Variants in IKBKE observed in about 807,000 individuals in gnomAD.
IKBKE encodes inhibitor of nuclear factor kappa-B kinase subunit epsilon.
In IKBKE, 45 loss-of-function variants were observed where a neutral mutation model predicts 92.1. That is an observed-to-expected ratio of 0.49 (90% CI 0.38 to 0.63). The LOEUF (loss-of-function observed/expected upper bound fraction) is 0.63. Ranked by LOEUF, IKBKE falls within the 20% of genes least tolerant of loss-of-function variation. The probability of loss-of-function intolerance (pLI) is 0.00; values close to 1 mark genes in which losing one functional copy is unlikely to be tolerated. For synonymous variants in IKBKE, 374 were observed against 380.3 expected, an observed-to-expected ratio of 0.98 and a Z score of 0.19; for missense variants, 700 against 932.8, an observed-to-expected ratio of 0.75 and a Z score of 3.25.
intron 17 of IKBKE, chr1:206,491,115 T>C (rs1167168657): frequency 1.1e-5 from 6 of 562,258 alleles, no homozygotes; most frequent in Admixed American, 3.1e-5. Flanking sequence ...GCTTTTTTTT[T>C]CTCTAGTTGT....
Position 206,487,795 on chromosome 1 carries a change from C to A in IKBKE, c.1617-119C>A. On this transcript the variant is annotated intron_variant, in intron 15 of 21. Transcript: ENST00000581977. This position sits in a 1 kb window ranked among gnomAD's most constrained non-coding sequence, Gnocchi z 5.3. ...CAGCCACCTCCACTCCCAGACTGAT[C>A]CCCCAAAACTGTGGCTGTGAGGCTC... The A allele has an allele frequency of 2.7e-6, 2 of 733,992 alleles. No homozygotes were observed. Among genetic ancestry groups the A allele is most frequent in the Non-Finnish European group, 2.4e-6 (1 of 423,128 alleles). The allele number at this position is 733,992 out of a possible 1,614,324, so 45.5% of individuals were successfully genotyped here. A position where few individuals can be genotyped will look rare whatever the true frequency, so the allele number is the denominator to read the frequency against.
chr1:206,479,280 T>G (rs1553386368), intron 10 of IKBKE, 147 bp downstream of exon 10: 1 of 698,784 alleles, frequency 1.4e-6, no homozygotes. Context: ...GTTCTAATTC[T>G]GCAGACGCCT....
rs1553391236 is a variant in IKBKE at position 206,493,388 on chromosome 1, G to C, written c.2045+10G>C. On this transcript the variant is annotated intron_variant, in intron 20 of 21. Transcript: ENST00000581977. ...AGGACCTGCTTCTCCAGTAAGTGCT[G>C]GGGAGAAAGCGGTTGTGTATCTGTG... 6.3e-7 allele frequency: 1 copy of C among 1,593,110 alleles called. No individual in the cohort carries two copies. Among genetic ancestry groups the C allele is most frequent in the Non-Finnish European group, 8.6e-7 (1 of 1,161,046 alleles).
rs1369456804 is a variant in IKBKE at position 206,470,650 on chromosome 1, G to A, written c.-171G>A. The A allele has an allele frequency of 6.6e-6, 1 of 152,316 alleles. No homozygotes were observed. The highest frequency in any genetic ancestry group is 1.5e-5 in the Non-Finnish European group (1 of 68,116). The allele number at this position is 152,316 out of a possible 1,614,324, so 9.4% of individuals were successfully genotyped here. On this transcript the variant is annotated 5_prime_UTR_variant, in exon 1 of 22. Transcript: ENST00000581977. The stretch of plus-strand genomic sequence containing the variant: ...ATGACAGTGAGCCCTGAAAGCTCTG[G>A]GGGTGTCACCCAGTCCCACAAGCCT...
chr1:206,489,697 G>A (rs1374411944), intron 16 of IKBKE, among the ~76,000 whole-genome samples: 2 of 151,984 alleles, frequency 1.3e-5, no homozygotes, highest in African/African-American at 4.8e-5. Context: ...GGGCAAGAGC[G>A]AGACCCTGTC....
At chr1:206,489,363 GTGTGTGTATATATATA>G in intron 16 of IKBKE, among the ~76,000 whole-genome samples, 1 of 28,324 alleles carries the variant, frequency 3.5e-5, no homozygotes, top group South Asian at 1.1e-3. Flanking sequence ...GTGTGTGTGT[GTGTGTGTATATATATA>G]TATATATATA....
chr1:206,490,812 C>T lies in IKBKE; in HGVS notation c.1694-7C>T. 1 of 1,614,028 alleles carries T rather than the reference C, an allele frequency of 6.2e-7. No homozygotes were observed. The highest frequency in any genetic ancestry group is 8.5e-7 in the Non-Finnish European group (1 of 1,179,876). ...TAGGTGACATCTGTTCTGTCTGTTT[C>T]CTCCAGGGCTTGGCTACAACGAGGA... On this transcript the variant is annotated splice_region_variant and splice_polypyrimidine_tract_variant and intron_variant, in intron 16 of 21. Coordinates refer to ENST00000581977, the MANE Select transcript of IKBKE (RefSeq NM_014002.4). This position sits in a 1 kb window ranked among gnomAD's most constrained non-coding sequence, Gnocchi z 5.2.
intron 21 of IKBKE, 95 bp from the exon 22 acceptor site, chr1:206,496,017 C>T (rs1666220686): frequency 3.3e-6 from 3 of 910,288 alleles, no homozygotes; most frequent in Non-Finnish European, 5.3e-6. Context: ...TTGAATGGCT[C>T]AGTGTTCTTG....
Position 206,476,497 on chromosome 1 carries a change from C to T in IKBKE, c.540+135C>T, listed in dbSNP as rs782048614. 2.5e-5 allele frequency: 28 copies of T among 1,123,692 alleles called. No homozygotes were observed. The highest frequency in any genetic ancestry group is 3.5e-5 in the Non-Finnish European group (27 of 775,408). 69.6% of individuals were successfully genotyped at this position (1,123,692 alleles called of 1,614,324 possible). A position where few individuals can be genotyped will look rare whatever the true frequency, so the allele number is the denominator to read the frequency against. On this transcript the variant is annotated intron_variant, in intron 6 of 21. Coordinates refer to ENST00000581977, the MANE Select transcript of IKBKE (RefSeq NM_014002.4). The surrounding 1 kb of genome is among the most constrained non-coding windows in gnomAD (Gnocchi z 5.1). Reference sequence around the variant, plus strand: ...GTTATGTCTCTCCCCTGTACCCCAACCAGAAGAATGCATTCTGTTCTCTAA... The same window carrying T: ...GTTATGTCTCTCCCCTGTACCCCAATCAGAAGAATGCATTCTGTTCTCTAA...
At chr1:206,495,906 A>G (rs1396550021) in intron 21 of IKBKE, among the ~76,000 whole-genome samples, 1 of 152,080 alleles carries the variant, frequency 6.6e-6, no homozygotes, top group South Asian at 2.1e-4. Flanking sequence ...TGTGGTTAGG[A>G]TTTGCATGAG....
At position 206,481,766 on chromosome 1, in the gene IKBKE, C is replaced by CTTTTT. The variant is rs71152472; in HGVS notation, c.1427+1260_1427+1264dup. Among the ~76,000 whole-genome samples, 59 of 46,558 alleles carry CTTTTT rather than the reference C, an allele frequency of 1.3e-3. 6 individuals are homozygous for CTTTTT. Among genetic ancestry groups the CTTTTT allele is most frequent in the East Asian group, 3.8e-3 (5 of 1,308 alleles). 30.5% of individuals were successfully genotyped at this position (46,558 alleles called of 152,430 possible). On this transcript the variant is annotated intron_variant, in intron 13 of 21. Transcript: ENST00000581977. ...ACGGAGGCCTTCCTGAAGGATGAGG[C>CTTTTT]TTTTTTTTTTTTTTTTTTTTTTTTT...
chr1:206,481,397 C>T (rs568406866), intron 13 of IKBKE, among the ~76,000 whole-genome samples: 3 of 152,206 alleles, frequency 2.0e-5, no homozygotes, highest in South Asian at 2.1e-4. Context: ...TGCAGCCCCG[C>T]GTGCCTCCTG....
rs565925188 is a variant in IKBKE, at chr1:206,493,306, C to T, written c.1973C>T (p.Ala658Val). Residue 658 changes from alanine to valine, a missense_variant, in exon 20 of 22, where the codon GCA becomes GTA. Physicochemically the swap from Ala to Val is moderately conservative, Grantham distance 64. Transcript: ENST00000581977. The stretch of plus-strand genomic sequence containing the variant: ...TCTCACCAGCTCCTTCAGGACCGAG[C>T]AAAGGGGGCTCAGGCCTCGCCGCCT... ...ELSHQLLQDR[A>V]KGAQASPPPI... 4.3e-6 allele frequency: 7 copies of T among 1,614,100 alleles called. No homozygotes were observed. The African/African-American group carries it at 6.7e-5, about 15-fold the overall frequency.
At chr1:206,480,561 A>C in intron 13 of IKBKE, 28 bp downstream of exon 13, 1 of 1,543,540 alleles carries the variant, frequency 6.5e-7, no homozygotes, top group Non-Finnish European at 8.9e-7. Context: ...GCCAGCTGGG[A>C]CCTCTCAGCC....
intron 18 of IKBKE, 171 bp downstream of exon 18, chr1:206,491,920 T>G: frequency 1.8e-6 from 1 of 546,074 alleles, no homozygotes; most frequent in Non-Finnish European, 3.3e-6. Flanking sequence ...GCTGGGAGAT[T>G]TCTGTAGCTC....
At position 206,476,657 on chromosome 1, in the gene IKBKE, C is replaced by T. The variant is rs782511711; in HGVS notation, c.541-21C>T. ...TGCCAGCCCTCCGGCTCCATGGCCT[C>T]ATTCTGGTTCTCTCCGGCAGCATCC... On this transcript the variant is annotated intron_variant, in intron 6 of 21. Transcript: ENST00000581977. This position sits in a 1 kb window ranked among gnomAD's most constrained non-coding sequence, Gnocchi z 5.1. The T allele has an allele frequency of 9.9e-6, 16 of 1,614,022 alleles. No homozygotes were observed. Among genetic ancestry groups the T allele is most frequent in the East Asian group, 2.2e-5 (1 of 44,890 alleles).
At chr1:206,479,797 G>A (rs1665272562) in intron 10 of IKBKE, 73 bp from the exon 11 acceptor site, 1 of 1,484,086 alleles carries the variant, frequency 6.7e-7, no homozygotes, top group Non-Finnish European at 9.3e-7. Context: ...GTGAGTGTGA[G>A]CTGGAAATAA....
Position 206,496,872 on chromosome 1 carries a change from G to A in IKBKE, c.*727G>A, listed in dbSNP as rs1158356125. On this transcript the variant is annotated 3_prime_UTR_variant, in exon 22 of 22. Coordinates refer to ENST00000581977, the MANE Select transcript of IKBKE (RefSeq NM_014002.4). The stretch of plus-strand genomic sequence containing the variant: ...TGCACCTTCAAGAAGTGGAATAAAT[G>A]TGGCCTTTGCTTCTGTTTCTGGTGG... 4.5e-6 allele frequency: 1 copy of A among 220,252 alleles called. No individual in the cohort carries two copies. Among genetic ancestry groups the A allele is most frequent in the Non-Finnish European group, 9.1e-6 (1 of 109,988 alleles). The allele number at this position is 220,252 out of a possible 1,614,324, so 13.6% of individuals were successfully genotyped here.
chr1:206,492,354 C>T (rs782401761), intron 18 of IKBKE: 67 of 427,558 alleles, frequency 1.6e-4, no homozygotes, highest in African/African-American at 1.3e-3. Context: ...GGACAATTTC[C>T]CACGTGCTAC....
Sources: gnomAD v4.1 joint callset for allele counts (sites outside exome capture counted in the v4.1 genomes callset) on GRCh38, gnomAD v4.1.1 for gene constraint, Gnocchi (gnomAD v3.1) non-coding constraint, MANE v1.5 for transcripts, NCBI Gene and HGNC (gene_info 2026-07-23, HGNC 2026-07-21) for gene names.